Variants in CADM1 observed in about 807,000 individuals in gnomAD.
CADM1 encodes cell adhesion molecule 1.
In CADM1, 15 loss-of-function variants were observed where a neutral mutation model predicts 53.1. The observed-to-expected ratio is 0.28, with a 90% confidence interval of 0.19 to 0.44. The LOEUF is 0.44. CADM1 is among the 20% of genes least tolerant of loss of function. The probability of loss-of-function intolerance (pLI) is 1.00; values close to 1 mark genes in which losing one functional copy is unlikely to be tolerated. For missense variants in CADM1, 434 were observed against 611.3 expected (o/e 0.71, Z 3.06); for synonymous variants, 281 against 243.0 (o/e 1.16, Z -1.45).
At chr11:115,310,867 G>A (rs1485584551) in intron 1 of CADM1, among the ~76,000 whole-genome samples, 1 of 152,088 alleles carries the variant, frequency 6.6e-6, no homozygotes, top group African/African-American at 2.4e-5. Flanking sequence ...ACTTTAAAAT[G>A]AAGAAAAAAG....
chr11:115,186,176 T>TA (rs1202060583), intron 10 of CADM1, among the ~76,000 whole-genome samples: 1 of 152,168 alleles, frequency 6.6e-6, no homozygotes. Context: ...AACTCAGTTT[T>TA]AAAAGGGAAT....
intron 2 of CADM1, among the ~76,000 whole-genome samples, chr11:115,239,851 A>C (rs146720367): frequency 6.6e-6 from 1 of 152,170 alleles, no homozygotes; most frequent in Non-Finnish European, 1.5e-5. Context: ...GCATGTGGAC[A>C]CTTCTATATG....
intron 1 of CADM1, among the ~76,000 whole-genome samples, chr11:115,372,057 CTTTTA>C (rs1052653269): frequency 6.6e-6 from 1 of 152,080 alleles, no homozygotes; most frequent in African/African-American, 2.4e-5. Context: ...TTGAAGTTTA[CTTTTA>C]TATCTTTTAC....
intron 1 of CADM1, among the ~76,000 whole-genome samples, chr11:115,394,180 C>A (rs572494826): frequency 6.6e-6 from 1 of 152,286 alleles, no homozygotes; most frequent in South Asian, 2.1e-4. Context: ...TATTAACATC[C>A]TTTGCAGTCA....
Position 115,191,114 on chromosome 11 carries a change from T to C in CADM1, c.1112-173A>G, listed in dbSNP as rs982933472. ...GTACATTTCTTCAATTATGTAATTT[T>C]GTTCTTAATACGCAATCGAGGCAGA... is the stretch of plus-strand genomic sequence containing the variant. On this transcript the variant is annotated intron_variant, in intron 9 of 11. Transcript: ENST00000331581. 5 of 614,046 alleles carry C rather than the reference T, an allele frequency of 8.1e-6. No homozygotes were observed. The Admixed American group carries it at 1.4e-4, about 17-fold the overall frequency. 38.0% of individuals were successfully genotyped at this position (614,046 alleles called of 1,614,324 possible).
intron 3 of CADM1, among the ~76,000 whole-genome samples, chr11:115,234,985 T>C (rs1941962115): frequency 6.6e-6 from 1 of 151,244 alleles, no homozygotes; most frequent in East Asian, 1.9e-4. Context: ...GTGAAATCAC[T>C]GAATGATTTT....
intron 1 of CADM1, among the ~76,000 whole-genome samples, chr11:115,263,242 G>GT (rs1943031474): frequency 6.6e-6 from 1 of 152,204 alleles, no homozygotes; most frequent in Admixed American, 6.5e-5. Context: ...TCCAGAGTCT[G>GT]TTCATTGGAA....
At chr11:115,347,857 T>C (rs956559265) in intron 1 of CADM1, among the ~76,000 whole-genome samples, 4 of 152,190 alleles carry the variant, frequency 2.6e-5, no homozygotes, top group Non-Finnish European at 5.9e-5. Flanking sequence ...GTCAATCATA[T>C]ATATGGCACT....
intron 1 of CADM1, among the ~76,000 whole-genome samples, chr11:115,293,135 A>G (rs1407737374): frequency 6.6e-6 from 1 of 152,230 alleles, no homozygotes; most frequent in Non-Finnish European, 1.5e-5. Context: ...CTTTTTTTAT[A>G]GCTAAAAGAT....
chr11:115,386,926 A>G (rs893038853), intron 1 of CADM1, among the ~76,000 whole-genome samples: 9 of 152,220 alleles, frequency 5.9e-5, no homozygotes, highest in African/African-American at 2.2e-4. Context: ...AACTAATGAA[A>G]TTTATCACCA....
chr11:115,478,860 T>C (rs902860749), intron 1 of CADM1, among the ~76,000 whole-genome samples: 34 of 152,164 alleles, frequency 2.2e-4, no homozygotes, highest in African/African-American at 8.2e-4. Flanking sequence ...TCTACATCAC[T>C]CTTTTTAATG....
intron 1 of CADM1, among the ~76,000 whole-genome samples, chr11:115,447,157 T>C (rs913378576): frequency 3.9e-5 from 6 of 152,192 alleles, no homozygotes; most frequent in African/African-American, 1.4e-4. Flanking sequence ...TCTAGTATAA[T>C]ACCTAGACAA....
chr11:115,340,635 TA>T, intron 1 of CADM1, among the ~76,000 whole-genome samples: 1 of 45,534 alleles, frequency 2.2e-5, no homozygotes, highest in African/African-American at 1.0e-4. Context: ...ATTATATATA[TA>T]TATATATATA....
intron 10 of CADM1, among the ~76,000 whole-genome samples, chr11:115,185,786 T>C (rs545862132): frequency 1.3e-5 from 2 of 152,344 alleles, no homozygotes; most frequent in East Asian, 3.9e-4. Context: ...TAAAGGAATA[T>C]ACGCCTGATA....
At chr11:115,205,888 T>C (rs1170119521) in intron 8 of CADM1, among the ~76,000 whole-genome samples, 1 of 152,340 alleles carries the variant, frequency 6.6e-6, no homozygotes, top group African/African-American at 2.4e-5. Context: ...CCACAACAAG[T>C]TGATACGGCA....
At position 115,170,544 on chromosome 11, in the gene CADM1, T is replaced by C. The variant is rs1451886676; in HGVS notation, c.*5930A>G. The C allele has an allele frequency of 6.7e-6, 1 of 148,168 alleles. No individual in the cohort carries two copies. The highest frequency in any genetic ancestry group is 6.8e-5 in the Admixed American group (1 of 14,606). The allele number at this position is 148,168 out of a possible 1,614,324, so 9.2% of individuals were successfully genotyped here. ...AACACCTGAAAACAGAGAAGATTCT[T>C]GCTTTCAGGTCTCAGTTCAGGGATG... On this transcript the variant is annotated 3_prime_UTR_variant, in exon 12 of 12. Coordinates refer to ENST00000331581, the MANE Select transcript of CADM1 (RefSeq NM_001301043.2).
intron 1 of CADM1, among the ~76,000 whole-genome samples, chr11:115,454,519 G>A (rs749767826): frequency 2.0e-5 from 3 of 152,096 alleles, no homozygotes; most frequent in Non-Finnish European, 4.4e-5. Context: ...TTGAAAATAC[G>A]TTCATCCTCT....
chr11:115,421,963 C>A (rs1947768877), intron 1 of CADM1, among the ~76,000 whole-genome samples: 1 of 152,184 alleles, frequency 6.6e-6, no homozygotes, highest in African/African-American at 2.4e-5. Context: ...CAGGCTTATG[C>A]CCTAAGGGTA....
intron 1 of CADM1, among the ~76,000 whole-genome samples, chr11:115,491,721 G>C (rs936487801): frequency 1.3e-5 from 2 of 152,166 alleles, no homozygotes; most frequent in African/African-American, 2.4e-5. Context: ...ATCAATGGTA[G>C]ACTGGATTAA....
Sources: allele counts gnomAD v4.1 joint callset (sites outside exome capture counted in the v4.1 genomes callset), GRCh38; gene constraint gnomAD v4.1.1; transcripts MANE v1.5; gene names NCBI Gene and HGNC (gene_info 2026-07-23, HGNC 2026-07-21).